The following ATRNL1 variants were observed in gnomAD, a reference collection of about 807,000 sequenced individuals.
ATRNL1 encodes attractin like 1, also known as attractin-like protein 1.
A neutral mutation model predicts 182.7 loss-of-function variants in ATRNL1; 95 were observed. That is an observed-to-expected ratio of 0.52 (90% CI 0.44 to 0.62). ATRNL1 has a LOEUF of 0.62. ATRNL1 is among the 20% of genes least tolerant of loss of function. ATRNL1 has a pLI of 0.00. For missense variants in ATRNL1, 1,471 were observed against 1,679.5 expected, an observed-to-expected ratio of 0.88 and a Z score of 2.17; for synonymous variants, 576 against 568.3, an observed-to-expected ratio of 1.01 and a Z score of -0.19.
intron 28 of ATRNL1, among the ~76,000 whole-genome samples, chr10:115,872,868 G>A (rs1555106429): frequency 6.6e-6 from 1 of 152,162 alleles, no homozygotes; most frequent in Non-Finnish European, 1.5e-5. Flanking sequence ...TCCTTGATTT[G>A]TTTATGTAAA....
rs1296720232 is a variant in ATRNL1, at chr10:115,352,638, A to G, written c.3175+18219A>G. ...GTTAATTCCACTGTTGTTAGAAAAA[A>G]TACTTGATACTCTCTTTGGGAGGCC... On this transcript the variant is annotated intron_variant, in intron 19 of 28. Transcript: ENST00000355044. 2.0e-5 allele frequency among the ~76,000 whole-genome samples: 3 copies of G among 152,256 alleles called. No individual in the cohort carries two copies. In the East Asian group the frequency reaches 5.8e-4, roughly 29 times the overall value.
intron 8 of ATRNL1, among the ~76,000 whole-genome samples, chr10:115,172,625 A>T (rs1361592494): frequency 6.6e-6 from 1 of 151,828 alleles, no homozygotes; most frequent in African/African-American, 2.4e-5. Context: ...TTCAAGTCCC[A>T]CTGATCTCTC....
intron 27 of ATRNL1, among the ~76,000 whole-genome samples, chr10:115,837,133 T>C (rs1274380182): frequency 6.6e-6 from 1 of 152,186 alleles, no homozygotes; most frequent in Non-Finnish European, 1.5e-5. Context: ...TACTTCATTT[T>C]CTAAAGCAAC....
intron 3 of ATRNL1, among the ~76,000 whole-genome samples, chr10:115,124,607 G>C (rs1301245099): frequency 1.3e-5 from 2 of 152,188 alleles, no homozygotes; most frequent in Non-Finnish European, 2.9e-5. Flanking sequence ...CTCTCGGGAA[G>C]TTAGGCTAAT....
At chr10:115,373,421 G>A (rs545468796) in intron 19 of ATRNL1, among the ~76,000 whole-genome samples, 1 of 151,968 alleles carries the variant, frequency 6.6e-6, no homozygotes, top group Non-Finnish European at 1.5e-5. Context: ...GGTGAGTGTC[G>A]GAAACCTTGT....
At chr10:115,729,560 G>GT (rs1182316544) in intron 27 of ATRNL1, among the ~76,000 whole-genome samples, 56 of 135,576 alleles carry the variant, frequency 4.1e-4, no homozygotes, top group South Asian at 1.2e-3. Context: ...GCTTCTTTTT[G>GT]TTTTTTTTTC....
chr10:115,794,791 T>A (rs1434001049), intron 27 of ATRNL1, among the ~76,000 whole-genome samples: 1 of 152,206 alleles, frequency 6.6e-6, no homozygotes, highest in Non-Finnish European at 1.5e-5. Flanking sequence ...AATTATTATT[T>A]TCCTTTGTAC....
At chr10:115,101,521 T>A (rs185137597) in intron 1 of ATRNL1, among the ~76,000 whole-genome samples, 205 of 152,322 alleles carry the variant, frequency 1.3e-3, no homozygotes, top group African/African-American at 4.7e-3. Flanking sequence ...TTTTTGAATG[T>A]TAAACCAACC....
At chr10:115,707,889 A>G (rs1357705867) in intron 26 of ATRNL1, among the ~76,000 whole-genome samples, 2 of 151,606 alleles carry the variant, frequency 1.3e-5, no homozygotes, top group African/African-American at 2.4e-5. Context: ...TGGACTTTTG[A>G]TGTTTTTGAT....
chr10:115,106,285 G>A (rs1208741176), intron 1 of ATRNL1, among the ~76,000 whole-genome samples: 1 of 152,174 alleles, frequency 6.6e-6, no homozygotes, highest in Non-Finnish European at 1.5e-5. Context: ...TGGAATGGCT[G>A]TATTTATCCA....
At chr10:115,128,178 A>G (rs1019427333) in intron 4 of ATRNL1, among the ~76,000 whole-genome samples, 1 of 152,160 alleles carries the variant, frequency 6.6e-6, no homozygotes, top group East Asian at 1.9e-4. Context: ...AATTCTGTCA[A>G]GTGGGTATAT....
intron 26 of ATRNL1, among the ~76,000 whole-genome samples, chr10:115,579,531 T>G (rs1854939118): frequency 6.6e-6 from 1 of 151,934 alleles, no homozygotes; most frequent in Non-Finnish European, 1.5e-5. Flanking sequence ...AGATATTAGC[T>G]TAGCTTCCCT....
chr10:115,526,582 C>T (rs1485659708), intron 25 of ATRNL1, among the ~76,000 whole-genome samples: 1 of 152,156 alleles, frequency 6.6e-6, no homozygotes, highest in Non-Finnish European at 1.5e-5. Flanking sequence ...AAGTCTTCTG[C>T]CAGGAACTGT....
At chr10:115,356,110 T>C (rs1856493099) in intron 19 of ATRNL1, among the ~76,000 whole-genome samples, 1 of 152,124 alleles carries the variant, frequency 6.6e-6, no homozygotes, top group African/African-American at 2.4e-5. Context: ...AAAAGGAAGA[T>C]GAATTACCTT....
At chr10:115,589,752 A>T (rs960065734) in intron 26 of ATRNL1, among the ~76,000 whole-genome samples, 1 of 152,210 alleles carries the variant, frequency 6.6e-6, no homozygotes, top group Non-Finnish European at 1.5e-5. Flanking sequence ...AATTATTTAT[A>T]TAACACATAA....
At chr10:115,773,768 T>A (rs1949051770) in intron 27 of ATRNL1, among the ~76,000 whole-genome samples, 1 of 152,164 alleles carries the variant, frequency 6.6e-6, no homozygotes, top group Non-Finnish European at 1.5e-5. Flanking sequence ...TCGTTACAGA[T>A]TACCTAAATA....
chr10:115,852,821 C>G (rs1951088316), intron 28 of ATRNL1, among the ~76,000 whole-genome samples: 1 of 152,190 alleles, frequency 6.6e-6, no homozygotes, highest in Non-Finnish European at 1.5e-5. Flanking sequence ...CCGGTGACTT[C>G]AGAAATTTGG....
intron 27 of ATRNL1, among the ~76,000 whole-genome samples, chr10:115,749,471 TAAGTG>T (rs1306501901): frequency 1.3e-5 from 2 of 151,760 alleles, no homozygotes; most frequent in African/African-American, 4.8e-5. Flanking sequence ...AGTAAAAAAA[TAAGTG>T]AAGTAGAAAA....
chr10:115,135,326 A>G (rs1352598369), intron 5 of ATRNL1, among the ~76,000 whole-genome samples: 1 of 152,236 alleles, frequency 6.6e-6, no homozygotes, highest in Non-Finnish European at 1.5e-5. Flanking sequence ...CTGATAAGCA[A>G]CTTCAGCAAA....
Sources: allele counts gnomAD v4.1 joint callset (sites outside exome capture counted in the v4.1 genomes callset), GRCh38; gene constraint gnomAD v4.1.1; transcripts MANE v1.5; gene names NCBI Gene and HGNC (gene_info 2026-07-23, HGNC 2026-07-21).